Variants in SMTN observed in about 807,000 individuals in gnomAD.
SMTN encodes smoothelin.
SMTN carries 58 observed loss-of-function variants against 102.0 expected under a neutral mutation model. The ratio of observed to expected loss-of-function variants is 0.57; its 90% confidence interval spans 0.46 to 0.71. The LOEUF is 0.71. SMTN is among the 30% of genes least tolerant of loss of function. SMTN has a pLI of 0.00. For synonymous variants in SMTN, 478 were observed against 497.9 expected (o/e 0.96, Z 0.53); for missense variants, 1,185 against 1,241.7 (o/e 0.95, Z 0.69).
At chr22:31,097,103 C>T (rs2043655401) in intron 15 of SMTN, 43 bp downstream of exon 15, 4 of 1,582,800 alleles carry the variant, frequency 2.5e-6, no homozygotes, top group African/African-American at 2.7e-5. Flanking sequence ...TGCCTGTCCG[C>T]CCACCTCCTC....
At chr22:31,102,153 C>T (rs559339018) in intron 20 of SMTN, 1 of 152,140 alleles carries the variant, frequency 6.6e-6, no homozygotes, top group Non-Finnish European at 1.5e-5. Context: ...CCTCTCTGGT[C>T]ACCTCACCTC....
chr22:31,093,869 C>T (rs1478331042), intron 11 of SMTN: 2 of 1,570,654 alleles, frequency 1.3e-6, no homozygotes, highest in Non-Finnish European at 1.7e-6. Flanking sequence ...ACCCGCAGCA[C>T]TAGTCTCGTA....
intron 2 of SMTN, among the ~76,000 whole-genome samples, chr22:31,086,161 CCTTAGGCCTCAGAGCATCT>C (rs570761708): frequency 1.3e-3 from 202 of 152,296 alleles, no homozygotes; most frequent in African/African-American, 4.7e-3. Flanking sequence ...TATAAGGCCT[CCTTAGGCCTCAGAGCATCT>C]CTAGTCCAGG....
intron 19 of SMTN, 42 bp from the exon 20 acceptor site, chr22:31,100,843 G>GGCC: frequency 4.1e-6 from 3 of 723,128 alleles, no homozygotes; most frequent in Admixed American, 2.5e-5. Context: ...CTGGCCTCCT[G>GGCC]CCCCCGTCCC....
Position 31,096,801 on chromosome 22 carries a change from A to G in SMTN, c.1930A>G (p.Asn644Asp). 2 of 1,569,418 alleles carry G rather than the reference A, an allele frequency of 1.3e-6. No individual in the cohort carries two copies. The highest frequency in any genetic ancestry group is 2.4e-5 in the South Asian group (2 of 83,686). The change falls in exon 14 of 21, where the codon AAC becomes GAC. Residue 644 changes from asparagine to aspartate, a missense_variant. This residue lies in a region of SMTN where 1,096 missense variants were observed against 1,112.7 expected (regional missense o/e 0.98). Transcript: ENST00000333137. The stretch of plus-strand genomic sequence containing the variant: ...GGGCCGGCCAGGGGAGGGGCGCGGC[A>G]ACACAGCCACTGAGACCACCACGAG... ...ARGRPGEGRG[N>D]TATETTTRHS... is the part of the protein sequence containing the mutation.
chr22:31,097,626 C>T (rs2043700366), intron 16 of SMTN, among the ~76,000 whole-genome samples: 1 of 151,976 alleles, frequency 6.6e-6, no homozygotes, highest in African/African-American at 2.4e-5. Flanking sequence ...ATCACTTGAA[C>T]CTGGGAGGCG....
At chr22:31,076,615 C>T (rs2042136153), upstream of SMTN, among the ~76,000 whole-genome samples, 1 of 152,162 alleles carries the variant, frequency 6.6e-6, no homozygotes, top group East Asian at 1.9e-4. Context: ...CTTAAGTGTG[C>T]CAGGCCCTGA....
chr22:31,083,532 C>T (rs557542166), intron 2 of SMTN: 2 of 520,918 alleles, frequency 3.8e-6, no homozygotes, highest in Admixed American at 7.1e-5. Flanking sequence ...CCCAACCCTC[C>T]ACAGCCACCA....
rs1418557243 is a variant in SMTN, at chr22:31,091,398, A to G, written c.1375A>G (p.Thr459Ala). The change falls in exon 10 of 21, where the codon ACC becomes GCC. Residue 459 changes from threonine (T) to alanine (A), a missense_variant. Transcript: ENST00000333137. ...GTAEPGGSMK[T>A]TFTIEIKDGR... ...TGCCGAGCCAGGGGGCAGTATGAAGACCACATTCACCATCGAGATCAAGGA... is the reference window on the plus strand; with the variant it reads ...TGCCGAGCCAGGGGGCAGTATGAAGGCCACATTCACCATCGAGATCAAGGA... 2 of 1,581,280 alleles carry G rather than the reference A, an allele frequency of 1.3e-6. No homozygotes were observed. Among genetic ancestry groups the G allele is most frequent in the African/African-American group, 1.4e-5 (1 of 73,758 alleles).
intron 20 of SMTN, chr22:31,102,901 A>G (rs980677350): frequency 1.3e-5 from 2 of 152,292 alleles, no homozygotes; most frequent in East Asian, 1.9e-4. Context: ...AGTCTGGGAT[A>G]GGGATGACCC....
At chr22:31,100,584 CG>C (rs1449501511) in intron 19 of SMTN, among the ~76,000 whole-genome samples, 2 of 152,058 alleles carry the variant, frequency 1.3e-5, no homozygotes, top group East Asian at 3.9e-4. Flanking sequence ...CCCGCGTTCC[CG>C]CTTGCCCCTA....
intron 1 of SMTN, chr22:31,065,138 G>A (rs951554450): frequency 6.6e-6 from 1 of 151,956 alleles, no homozygotes; most frequent in African/African-American, 2.4e-5. Context: ...CAGAAGTAAC[G>A]TTATGCCCTT....
intron 13 of SMTN, chr22:31,096,531 A>C (rs2240430): frequency 0.51 from 253,124 of 498,498 alleles, 68,379 homozygotes; most frequent in Middle Eastern, 0.63. Context: ...AGTCCATCAA[A>C]CCCTTCCCAC....
intron 1 of SMTN, among the ~76,000 whole-genome samples, chr22:31,069,294 A>G (rs1397432722): frequency 6.6e-6 from 1 of 151,996 alleles, no homozygotes; most frequent in Non-Finnish European, 1.5e-5. Flanking sequence ...TCTCGCTTCA[A>G]AGTCCCAAAT....
intron 1 of SMTN, among the ~76,000 whole-genome samples, chr22:31,075,271 T>G (rs1265907399): frequency 6.6e-6 from 1 of 152,064 alleles, no homozygotes; most frequent in African/African-American, 2.4e-5. Flanking sequence ...GGGGAATCAA[T>G]GGGAAAATAC....
At position 31,083,158 on chromosome 22, in the gene SMTN, AT is replaced by A. The variant is rs1275044797; in HGVS notation, c.-80-19del. On this transcript the variant is annotated intron_variant, in intron 1 of 20. Coordinates refer to ENST00000333137, the MANE Select transcript of SMTN (RefSeq NM_134269.3). ...GTTTCTGGAAGCCCCAGCATGCCTG[AT>A]TCATGTCTGTCCCCTGCAGAATTCT... is the stretch of plus-strand genomic sequence containing the variant. The A allele has an allele frequency of 6.4e-7, 1 of 1,558,740 alleles. No individual in the cohort carries two copies. Among genetic ancestry groups the A allele is most frequent in the Non-Finnish European group, 8.7e-7 (1 of 1,150,136 alleles).
chr22:31,088,871 G>T lies in SMTN; in HGVS notation c.374-1G>T, dbSNP rs1177006612. On this transcript the variant is annotated splice_acceptor_variant, in intron 5 of 20. Coordinates refer to ENST00000333137, the MANE Select transcript of SMTN (RefSeq NM_134269.3). LOFTEE classifies it high-confidence loss of function. ...CCTGCCACTTGCTCCTTCCCTTCCA[G>T]CTGCCACCTTGGCTGGGAGGTTGTA... The T allele has an allele frequency of 6.2e-7, 1 of 1,613,776 alleles. No individual in the cohort carries two copies.
At chr22:31,103,256 T>C (rs1033384276) in intron 20 of SMTN, 1 of 152,246 alleles carries the variant, frequency 6.6e-6, no homozygotes, top group Non-Finnish European at 1.5e-5. Context: ...GTTGCCATTA[T>C]GCCTTCCCTG....
Position 31,089,959 on chromosome 22 carries a change from C to G in SMTN, c.732C>G (p.Thr244=). ...CACCCCCCAGCCCACCCAAGACCAC[C>G]AGCCCTGAGCCTCAGGAGTCTCCAA... ...PEPPPSPPKT[T]SPEPQESPTL... The change falls in exon 7 of 21, where the codon ACC becomes ACG. Residue 244 remains threonine, a synonymous_variant. Coordinates refer to ENST00000333137, the MANE Select transcript of SMTN (RefSeq NM_134269.3). 6.3e-7 allele frequency: 1 copy of G among 1,599,566 alleles called. No homozygotes were observed. The highest frequency in any genetic ancestry group is 8.5e-7 in the Non-Finnish European group (1 of 1,172,906).
Sources: allele counts gnomAD v4.1 joint callset (sites outside exome capture counted in the v4.1 genomes callset), GRCh38; gene constraint gnomAD v4.1.1; regional missense constraint gnomAD v4.1.1; transcripts MANE v1.5; gene names NCBI Gene and HGNC (gene_info 2026-07-23, HGNC 2026-07-21).